The following KIZ variants were observed in gnomAD, a reference collection of about 807,000 sequenced individuals.
The protein encoded by KIZ is centrosomal protein kizuna.
KIZ carries 68 observed loss-of-function variants against 79.6 expected under a neutral mutation model. The observed-to-expected ratio is 0.85, with a 90% CI of 0.70 to 1.05. KIZ has a LOEUF of 1.05. Among genes scored for constraint, KIZ ranks in the 50% least tolerant of loss-of-function variants. The pLI is 0.00. For synonymous variants in KIZ, 280 were observed against 281.8 expected (o/e 0.99, Z 0.06); for missense variants, 797 against 800.4 (o/e 1.00, Z 0.05).
chr20:21,179,468 T>C (rs2034563601), intron 6 of KIZ, among the ~76,000 whole-genome samples: 1 of 151,956 alleles, frequency 6.6e-6, no homozygotes, highest in East Asian at 1.9e-4. Context: ...GTTTTCTCTC[T>C]TTTTTCTTAA....
intron 3 of KIZ, among the ~76,000 whole-genome samples, chr20:21,143,403 C>T (rs1317784525): frequency 2.0e-5 from 3 of 152,186 alleles, no homozygotes; most frequent in African/African-American, 7.2e-5. Context: ...GGGAAATTGA[C>T]GGAAGTGAGA....
intron 9 of KIZ, among the ~76,000 whole-genome samples, chr20:21,227,801 C>T (rs1030994197): frequency 2.0e-5 from 3 of 152,108 alleles, no homozygotes; most frequent in African/African-American, 7.2e-5. Flanking sequence ...CAGTACTTTC[C>T]CCTCTGTATG....
At chr20:21,204,871 T>A (rs1452385905) in intron 6 of KIZ, among the ~76,000 whole-genome samples, 1 of 152,220 alleles carries the variant, frequency 6.6e-6, no homozygotes, top group Non-Finnish European at 1.5e-5. Flanking sequence ...AAACATCTGC[T>A]GTTGAGATGA....
At chr20:21,161,817 C>CT in intron 4 of KIZ, 54 bp from the exon 5 acceptor site, 2 of 1,285,864 alleles carry the variant, frequency 1.6e-6, no homozygotes, top group South Asian at 3.1e-5. Flanking sequence ...AAAAAAACCC[C>CT]ACCTAATTGT....
At chr20:21,226,516 G>A (rs553869362) in intron 9 of KIZ, among the ~76,000 whole-genome samples, 1 of 152,164 alleles carries the variant, frequency 6.6e-6, no homozygotes, top group East Asian at 1.9e-4. Context: ...CAACAATTCT[G>A]ACTAAATAGG....
At chr20:21,152,675 T>A (rs991348873) in intron 4 of KIZ, among the ~76,000 whole-genome samples, 5 of 152,220 alleles carry the variant, frequency 3.3e-5, no homozygotes, top group Non-Finnish European at 7.3e-5. Flanking sequence ...TGTATTACTT[T>A]GACCAAGACA....
intron 9 of KIZ, among the ~76,000 whole-genome samples, chr20:21,220,829 G>T (rs148023693): frequency 4.6e-5 from 7 of 152,164 alleles, no homozygotes; most frequent in Admixed American, 1.3e-4. Context: ...CAGGATGTCC[G>T]GATCAATTAA....
intron 12 of KIZ, chr20:21,245,160 A>G (rs997522815): frequency 2.0e-5 from 3 of 152,214 alleles, no homozygotes; most frequent in Non-Finnish European, 4.4e-5. Flanking sequence ...AATAACAAAA[A>G]TATTCGCTGT....
At chr20:21,131,929 T>G (rs532119862) in intron 1 of KIZ, 168 bp from the exon 2 acceptor site, 42 of 511,914 alleles carry the variant, frequency 8.2e-5, no homozygotes, top group African/African-American at 6.5e-4. Flanking sequence ...ATTTTCTGCT[T>G]CTTAGACCAG....
At chr20:21,152,701 G>A (rs765579012) in intron 4 of KIZ, among the ~76,000 whole-genome samples, 3 of 152,160 alleles carry the variant, frequency 2.0e-5, no homozygotes, top group African/African-American at 4.8e-5. Context: ...TTAGGCCTAC[G>A]GATGTGAAAC....
intron 6 of KIZ, among the ~76,000 whole-genome samples, chr20:21,204,009 T>C (rs971531649): frequency 1.3e-5 from 2 of 152,060 alleles, no homozygotes; most frequent in African/African-American, 4.8e-5. Context: ...AATTTGACTG[T>C]TTTAGGTACC....
At chr20:21,126,338 C>T (rs1035962282) in intron 1 of KIZ, 134 bp downstream of exon 1, 7 of 541,232 alleles carry the variant, frequency 1.3e-5, no homozygotes, top group Non-Finnish European at 2.2e-5. Flanking sequence ...CCCCCAGGCT[C>T]CCAGTGGGGC....
intron 6 of KIZ, among the ~76,000 whole-genome samples, chr20:21,187,312 G>A (rs1256254782): frequency 1.3e-5 from 2 of 152,106 alleles, no homozygotes; most frequent in African/African-American, 2.4e-5. Context: ...GCATTTCACT[G>A]TTATCATGGA....
At chr20:21,128,823 T>C (rs973261118) in intron 1 of KIZ, among the ~76,000 whole-genome samples, 1 of 152,168 alleles carries the variant, frequency 6.6e-6, no homozygotes, top group Non-Finnish European at 1.5e-5. Context: ...GAGTAAGATA[T>C]CATAATAGTC....
intron 6 of KIZ, among the ~76,000 whole-genome samples, chr20:21,179,422 G>A (rs1242618497): frequency 6.6e-6 from 1 of 151,576 alleles, no homozygotes; most frequent in Admixed American, 6.6e-5. Context: ...ATCAATTGCA[G>A]TGTTTCCTCT....
chr20:21,160,220 A>G (rs1028585550), intron 4 of KIZ, among the ~76,000 whole-genome samples: 14 of 152,088 alleles, frequency 9.2e-5, no homozygotes, highest in Non-Finnish European at 1.9e-4. Flanking sequence ...TCCCTATGGG[A>G]CAGCTGGATG....
intron 6 of KIZ, chr20:21,197,229 C>G (rs1315143264): frequency 6.6e-6 from 1 of 152,132 alleles, no homozygotes; most frequent in Non-Finnish European, 1.5e-5. Context: ...AAAACAGTGA[C>G]CAAATTTTTA....
At chr20:21,238,737 G>A (rs577342322) in intron 11 of KIZ, among the ~76,000 whole-genome samples, 13 of 152,284 alleles carry the variant, frequency 8.5e-5, no homozygotes, top group African/African-American at 2.4e-4. Context: ...TCACCGGAGC[G>A]TGGGCACCTC....
intron 11 of KIZ, among the ~76,000 whole-genome samples, chr20:21,235,030 C>T (rs1235285147): frequency 6.6e-6 from 1 of 152,122 alleles, no homozygotes; most frequent in African/African-American, 2.4e-5. Flanking sequence ...GCAAATGTTG[C>T]CTGTGATGAA....
Sources: gnomAD v4.1 joint callset for allele counts (sites outside exome capture counted in the v4.1 genomes callset) on GRCh38, gnomAD v4.1.1 for gene constraint, MANE v1.5 for transcripts, NCBI Gene and HGNC (gene_info 2026-07-23, HGNC 2026-07-21) for gene names.